DCC: variants seen among roughly 807,000 people sequenced by gnomAD.
DCC encodes DCC netrin 1 receptor.
In DCC, 58 loss-of-function variants were observed where a neutral mutation model predicts 172.5. The ratio of observed to expected loss-of-function variants is 0.34; its 90% CI spans 0.27 to 0.42. The LOEUF (loss-of-function observed/expected upper bound fraction) is 0.42, where lower values mean the gene tolerates loss of function less well. Ranked by LOEUF, DCC falls within the 10% of genes least tolerant of loss-of-function variation. The pLI, the probability that DCC is intolerant of heterozygous loss-of-function variation, is 1.00. For synonymous variants in DCC, 709 were observed against 644.5 expected (o/e 1.10, Z -1.52); for missense variants, 1,740 against 1,791.0 (o/e 0.97, Z 0.51).
chr18:52,859,064 A>G (rs1358251899), intron 2 of DCC, among the ~76,000 whole-genome samples: 1 of 152,192 alleles, frequency 6.6e-6, no homozygotes, highest in Non-Finnish European at 1.5e-5. Context: ...GCACTTTGGG[A>G]GGCCAAGATG....
At chr18:52,580,827 C>T (rs1193208633) in intron 1 of DCC, among the ~76,000 whole-genome samples, 1 of 152,164 alleles carries the variant, frequency 6.6e-6, no homozygotes, top group Non-Finnish European at 1.5e-5. Flanking sequence ...CCCCATTTTT[C>T]AGATGAGGAC....
intron 1 of DCC, among the ~76,000 whole-genome samples, chr18:52,599,522 A>ATATAT (rs2033974744): frequency 1.5e-5 from 2 of 129,300 alleles, no homozygotes; most frequent in South Asian, 2.5e-4. Flanking sequence ...TTGTTTATAA[A>ATATAT]TATATTATTT....
At chr18:53,003,206 G>C (rs1158734358) in intron 5 of DCC, among the ~76,000 whole-genome samples, 2 of 134,250 alleles carry the variant, frequency 1.5e-5, no homozygotes, top group African/African-American at 2.6e-5. Flanking sequence ...CTTCTCAATG[G>C]TCAGACCCTG....
At chr18:52,781,961 G>A (rs1432683104) in intron 2 of DCC, among the ~76,000 whole-genome samples, 2 of 152,048 alleles carry the variant, frequency 1.3e-5, no homozygotes, top group Non-Finnish European at 2.9e-5. Context: ...ATTACTGATT[G>A]AATATACAGG....
At chr18:52,999,077 T>C (rs867956485) in intron 5 of DCC, among the ~76,000 whole-genome samples, 83 of 152,220 alleles carry the variant, frequency 5.5e-4, no homozygotes, top group African/African-American at 1.9e-3. Flanking sequence ...CAACAGCTAT[T>C]GAATGCAAAG....
At chr18:52,476,359 G>A (rs535762202) in intron 1 of DCC, among the ~76,000 whole-genome samples, 1 of 152,332 alleles carries the variant, frequency 6.6e-6, no homozygotes, top group African/African-American at 2.4e-5. Flanking sequence ...AGGGGCGTGT[G>A]TGTGTTTGTG....
In DCC at chr18:52,720,777, G is replaced by T. The variant is rs545899469; in HGVS notation, c.92-31277G>T. Among the ~76,000 whole-genome samples, 4 of 152,298 alleles carry T rather than the reference G, an allele frequency of 2.6e-5. No homozygotes were observed. The East Asian group carries it at 7.7e-4, about 29-fold the overall frequency. ...CTCTTCCTGTGTGGTTACCAATTCTGTACTTGCAGGTACAAGTCTGTTTGA... is the reference window on the plus strand; with the variant it reads ...CTCTTCCTGTGTGGTTACCAATTCTTTACTTGCAGGTACAAGTCTGTTTGA... On this transcript the variant is annotated intron_variant, in intron 1 of 28. Coordinates refer to ENST00000442544, the MANE Select transcript of DCC (RefSeq NM_005215.4).
At chr18:52,441,607 C>G (rs190688689) in intron 1 of DCC, among the ~76,000 whole-genome samples, 3 of 152,252 alleles carry the variant, frequency 2.0e-5, no homozygotes, top group East Asian at 3.9e-4. Flanking sequence ...TTTTCATCTT[C>G]TTCAGCCTGA....
intron 7 of DCC, among the ~76,000 whole-genome samples, chr18:53,112,387 G>A (rs1256145497): frequency 1.3e-5 from 2 of 151,418 alleles, no homozygotes; most frequent in Non-Finnish European, 3.0e-5. Context: ...TCATGAGAAA[G>A]GTTCTATTGT....
intron 1 of DCC, among the ~76,000 whole-genome samples, chr18:52,564,115 CT>C (rs2033101537): frequency 6.6e-6 from 1 of 152,124 alleles, no homozygotes; most frequent in Non-Finnish European, 1.5e-5. Flanking sequence ...AAGATGCTTA[CT>C]AATAGTATAG....
chr18:52,943,395 A>G (rs2040493035), intron 5 of DCC, among the ~76,000 whole-genome samples: 1 of 152,302 alleles, frequency 6.6e-6, no homozygotes, highest in African/African-American at 2.4e-5. Flanking sequence ...TCATGTCCAT[A>G]TAAGCATGTT....
chr18:53,265,733 G>T (rs939381648), intron 12 of DCC, among the ~76,000 whole-genome samples: 5 of 152,158 alleles, frequency 3.3e-5, no homozygotes, highest in Non-Finnish European at 7.4e-5. Context: ...TCTCAGCTCC[G>T]ATCTGTTATC....
chr18:52,591,426 T>C (rs1197657857), intron 1 of DCC, among the ~76,000 whole-genome samples: 1 of 152,156 alleles, frequency 6.6e-6, no homozygotes, highest in Non-Finnish European at 1.5e-5. Flanking sequence ...AACATAATTC[T>C]TATGGGTTGC....
chr18:53,425,739 T>G (rs1599134565), intron 21 of DCC, among the ~76,000 whole-genome samples: 1 of 152,234 alleles, frequency 6.6e-6, no homozygotes, highest in South Asian at 2.1e-4. Flanking sequence ...TATCAGCCAC[T>G]TCAAATGAAA....
At chr18:53,515,417 G>C (rs199502371) in intron 27 of DCC, among the ~76,000 whole-genome samples, 8,892 of 145,264 alleles carry the variant, frequency 0.061, 433 homozygotes, top group Admixed American at 0.15. Context: ...CTCACCACTC[G>C]TATTCAACAT....
chr18:52,955,609 G>T (rs1182784872), intron 5 of DCC, among the ~76,000 whole-genome samples: 1 of 151,944 alleles, frequency 6.6e-6, no homozygotes, highest in Non-Finnish European at 1.5e-5. Flanking sequence ...GTTTGGTTTT[G>T]TAAAAATCTG....
intron 1 of DCC, among the ~76,000 whole-genome samples, chr18:52,604,319 A>G (rs531961823): frequency 6.6e-6 from 1 of 152,284 alleles, no homozygotes; most frequent in Non-Finnish European, 1.5e-5. Context: ...CTCAAGGAAC[A>G]GGGAACATCT....
intron 2 of DCC, among the ~76,000 whole-genome samples, chr18:52,833,690 A>C (rs796582544): frequency 6.6e-6 from 1 of 152,062 alleles, no homozygotes; most frequent in Non-Finnish European, 1.5e-5. Context: ...ATGAGGTGAA[A>C]TGGACTTCAA....
chr18:52,846,560 A>G (rs2038893246), intron 2 of DCC, among the ~76,000 whole-genome samples: 1 of 149,198 alleles, frequency 6.7e-6, no homozygotes, highest in South Asian at 2.2e-4. Flanking sequence ...AAAAATTCAG[A>G]TTTAACTGCT....
Sources: allele counts gnomAD v4.1 joint callset (sites outside exome capture counted in the v4.1 genomes callset), GRCh38; gene constraint gnomAD v4.1.1; transcripts MANE v1.5; gene names NCBI Gene and HGNC (gene_info 2026-07-23, HGNC 2026-07-21).